Variants in CCT5 observed in about 807,000 individuals in gnomAD.
The protein encoded by CCT5 is T-complex protein 1 subunit epsilon.
A neutral mutation model predicts 55.0 loss-of-function variants in CCT5; 6 were observed. The ratio of observed to expected loss-of-function variants is 0.11; its 90% confidence interval spans 0.06 to 0.22. The LOEUF (loss-of-function observed/expected upper bound fraction) is 0.22. Among genes scored for constraint, CCT5 ranks in the 10% least tolerant of loss-of-function variants. The probability of loss-of-function intolerance (pLI) is 1.00; values close to 1 mark genes in which losing one functional copy is unlikely to be tolerated. For missense variants in CCT5, 560 were observed against 694.6 expected (o/e 0.81, Z 2.18); for synonymous variants, 231 against 243.7 (o/e 0.95, Z 0.49).
chr5:10,256,686 C>CAA (rs10643743), intron 4 of CCT5, among the ~76,000 whole-genome samples: 102,941 of 142,176 alleles, frequency 0.72, 39,147 homozygotes, highest in Non-Finnish European at 0.85. Flanking sequence ...GACCCTGTCT[C>CAA]AAAAAAAAAA....
intron 3 of CCT5, among the ~76,000 whole-genome samples, chr5:10,255,337 CTG>C (rs10568968): frequency 0.75 from 113,293 of 151,590 alleles, 44,161 homozygotes; most frequent in East Asian, 0.87. Context: ...AATAAGTAAA[CTG>C]GTATTCGTTT....
At chr5:10,250,597 G>T in intron 1 of CCT5, 152 bp downstream of exon 1, 1 of 1,468,074 alleles carries the variant, frequency 6.8e-7, no homozygotes, top group Non-Finnish European at 9.0e-7. Flanking sequence ...CGCTCAGCCC[G>T]CTTACTGAGC....
At chr5:10,256,280 G>C in intron 4 of CCT5, 127 bp downstream of exon 4, 1 of 867,634 alleles carries the variant, frequency 1.2e-6, no homozygotes, top group Admixed American at 2.0e-5. Context: ...TTGATTACTT[G>C]GTTTTGCTTT....
chr5:10,262,030 T>C (rs936554029), intron 8 of CCT5: 5 of 426,222 alleles, frequency 1.2e-5, no homozygotes, highest in African/African-American at 8.1e-5. Context: ...GTCCTGGATT[T>C]TAGAATGTTT....
chr5:10,251,261 A>T (rs1254621794), intron 1 of CCT5, among the ~76,000 whole-genome samples: 2 of 152,178 alleles, frequency 1.3e-5, no homozygotes, highest in Non-Finnish European at 2.9e-5. Context: ...ATCTTTGGGG[A>T]AGAAGGGGAG....
At chr5:10,257,901 A>G (rs560242504) in intron 4 of CCT5, 7 of 598,306 alleles carry the variant, frequency 1.2e-5, no homozygotes, top group East Asian at 1.1e-4. Context: ...ATTTTTTCCT[A>G]TCTAAGTATA....
intron 6 of CCT5, among the ~76,000 whole-genome samples, chr5:10,258,817 C>T (rs775515354): frequency 5.3e-5 from 8 of 152,120 alleles, no homozygotes; most frequent in Non-Finnish European, 1.0e-4. Flanking sequence ...CACGGTGAAA[C>T]GCCATTTCTA....
Position 10,261,722 on chromosome 5 carries a change from T to C in CCT5, c.1156T>C (p.Phe386Leu). The change falls in exon 8 of 11, where the codon TTT (phenylalanine) becomes CTT (leucine). Residue 386 changes from phenylalanine (F) to leucine (L), a missense_variant. Physicochemically the swap from Phe to Leu is conservative, Grantham distance 22. Around this residue, in one of 4 missense-constraint regions of CCT5, gnomAD observed 256 missense variants for 372.4 expected, o/e 0.69. Transcript: ENST00000280326. ...QCKNSRAVTI[F>L]IRGGNKMIIE... The stretch of plus-strand genomic sequence containing the variant: ...TAAGAACTCCAGAGCTGTAACCATT[T>C]TTATTAGAGGAGGAAATAAGATGGT... 2.5e-6 allele frequency: 4 copies of C among 1,613,990 alleles called. No homozygotes were observed. Among genetic ancestry groups the C allele is most frequent in the Non-Finnish European group, 3.4e-6 (4 of 1,179,866 alleles).
intron 8 of CCT5, chr5:10,262,238 T>G: frequency 2.0e-6 from 1 of 511,286 alleles, no homozygotes; most frequent in Non-Finnish European, 3.5e-6. Context: ...TCTTTGCGAG[T>G]TTTGTCAGTT....
rs1404507806 is a variant in CCT5, at chr5:10,263,130, C to T, written c.1318-4C>T. On this transcript the variant is annotated splice_polypyrimidine_tract_variant and splice_region_variant and intron_variant, in intron 9 of 10. Transcript: ENST00000280326. ...GCACTCACCATACTTCTGTACCTTT[C>T]CAGTGCCCCACCTTAGAACAGTATG... is the stretch of plus-strand genomic sequence containing the variant. The T allele has an allele frequency of 2.6e-5, 42 of 1,613,744 alleles. No individual in the cohort carries two copies. The highest frequency in any genetic ancestry group is 3.6e-5 in the Non-Finnish European group (42 of 1,179,906).
At chr5:10,253,984 G>A (rs1308029429) in intron 1 of CCT5, among the ~76,000 whole-genome samples, 161 bp from the exon 2 acceptor site, 9 of 152,180 alleles carry the variant, frequency 5.9e-5, no homozygotes, top group Admixed American at 2.0e-4. Context: ...AACTGGAGTC[G>A]TAAATGTTAT....
intron 7 of CCT5, chr5:10,261,148 C>T: frequency 3.6e-6 from 2 of 556,472 alleles, no homozygotes; most frequent in South Asian, 3.7e-5. Flanking sequence ...CTCACTTGGC[C>T]CTGTCGTTGA....
intron 3 of CCT5, among the ~76,000 whole-genome samples, chr5:10,255,288 A>G (rs902111710): frequency 1.3e-5 from 2 of 152,198 alleles, no homozygotes; most frequent in African/African-American, 2.4e-5. Context: ...AGTTGAACAG[A>G]AACAGTATGT....
At chr5:10,259,434 T>G (rs533647727) in intron 6 of CCT5, among the ~76,000 whole-genome samples, 274 of 152,368 alleles carry the variant, frequency 1.8e-3, no homozygotes, top group Non-Finnish European at 2.9e-3. Context: ...ATACGGTTCT[T>G]GGTGCCTACG....
In CCT5 at chr5:10,264,808, A is replaced by G. The variant is rs886059755; in HGVS notation, c.*25A>G. On this transcript the variant is annotated 3_prime_UTR_variant, in exon 11 of 11. Coordinates refer to ENST00000280326, the MANE Select transcript of CCT5 (RefSeq NM_012073.5). ...AAGACATTGAGAAAACTATGTAGCA[A>G]GATCCACTTCTGTGATTAAGTAAAT... 88 of 1,611,260 alleles carry G rather than the reference A, an allele frequency of 5.5e-5. No individual in the cohort carries two copies. The East Asian group carries it at 1.9e-3, about 35-fold the overall frequency.
chr5:10,256,013 A>G lies in CCT5; in HGVS notation c.390A>G (p.Pro130=). 1 of 1,614,240 alleles carries G rather than the reference A, an allele frequency of 6.2e-7. No homozygotes were observed. ...AATTGCTAGACCGAGGCATTCACCC[A>G]ATCAGAATAGCCGATGGCTATGAGC... ...AEQLLDRGIH[P]IRIADGYEQA... Residue 130 remains proline (P), a synonymous_variant, in exon 4 of 11, where the codon CCA becomes CCG. Transcript: ENST00000280326.
Position 10,265,080 on chromosome 5 carries a change from AG to A in CCT5, c.*301del, listed in dbSNP as rs1267895691. 2.9e-6 allele frequency: 1 copy of A among 342,138 alleles called. No homozygotes were observed. The highest frequency in any genetic ancestry group is 5.5e-6 in the Non-Finnish European group (1 of 183,298). 21.2% of individuals were successfully genotyped at this position (342,138 alleles called of 1,614,324 possible). On this transcript the variant is annotated 3_prime_UTR_variant, in exon 11 of 11. Coordinates refer to ENST00000280326, the MANE Select transcript of CCT5 (RefSeq NM_012073.5). ...AGTAATTAAATGCTGCCTTAATTGA[AG>A]GGGTTTGGGTGGATTTTTTTTTCTC...
At chr5:10,257,381 TC>T (rs1745735776) in intron 4 of CCT5, among the ~76,000 whole-genome samples, 2 of 152,248 alleles carry the variant, frequency 1.3e-5, no homozygotes, top group Admixed American at 6.5e-5. Context: ...AGTGTACAAA[TC>T]AGTTTTCTTG....
At chr5:10,254,303 C>A in intron 2 of CCT5, 98 bp downstream of exon 2, 1 of 895,010 alleles carries the variant, frequency 1.1e-6, no homozygotes, top group Non-Finnish European at 1.8e-6. Context: ...TGAGGGGAGG[C>A]ATCTTACTTC....
Sources: allele counts gnomAD v4.1 joint callset (sites outside exome capture counted in the v4.1 genomes callset), GRCh38; gene constraint gnomAD v4.1.1; regional missense constraint gnomAD v4.1.1; transcripts MANE v1.5; gene names NCBI Gene and HGNC (gene_info 2026-07-23, HGNC 2026-07-21).